Variants in SLC7A14 observed in about 807,000 individuals in gnomAD.
SLC7A14 encodes solute carrier family 7 member 14, also known as gamma-aminobutyric acid transporter SLC7A14.
Under a neutral mutation model 60.2 loss-of-function variants are expected in SLC7A14, and 37 were observed. The ratio of observed to expected loss-of-function variants is 0.61; its 90% CI spans 0.47 to 0.81. The LOEUF is 0.81. Ranked by LOEUF, SLC7A14 falls within the 30% of genes least tolerant of loss-of-function variation. The probability of loss-of-function intolerance (pLI) is 0.00; values close to 1 mark genes in which losing one functional copy is unlikely to be tolerated. For missense variants in SLC7A14, 886 were observed against 982.7 expected (o/e 0.90, Z 1.32); for synonymous variants, 399 against 395.8 (o/e 1.01, Z -0.10).
intron 1 of SLC7A14, among the ~76,000 whole-genome samples, chr3:170,569,572 T>C (rs1714886690): frequency 6.6e-6 from 1 of 152,210 alleles, no homozygotes; most frequent in African/African-American, 2.4e-5. Context: ...ATTGGAATGG[T>C]TTCAGAAGGA....
At chr3:170,530,973 C>T (rs892078534) in intron 1 of SLC7A14, among the ~76,000 whole-genome samples, 2 of 152,200 alleles carry the variant, frequency 1.3e-5, no homozygotes, top group African/African-American at 4.8e-5. Context: ...CATCTTGAGA[C>T]CCTTGGCAGT....
intron 2 of SLC7A14, among the ~76,000 whole-genome samples, chr3:170,522,879 A>G (rs1374330715): frequency 6.6e-6 from 1 of 152,246 alleles, no homozygotes; most frequent in Admixed American, 6.5e-5. Flanking sequence ...ACCCATAGCC[A>G]GGGTTGAGAG....
At chr3:170,528,376 A>G (rs1160272585) in intron 1 of SLC7A14, among the ~76,000 whole-genome samples, 1 of 152,240 alleles carries the variant, frequency 6.6e-6, no homozygotes, top group Admixed American at 6.5e-5. Flanking sequence ...AAAACTGTAT[A>G]AAATTTATAA....
At chr3:170,496,136 G>A (rs368674705) in intron 4 of SLC7A14, 1 of 963,056 alleles carries the variant, frequency 1.0e-6, no homozygotes, top group Non-Finnish European at 1.7e-6. Flanking sequence ...TCCAGGAGCT[G>A]CAGTCCCAGA....
intron 4 of SLC7A14, among the ~76,000 whole-genome samples, chr3:170,497,068 T>G (rs898858358): frequency 5.4e-5 from 7 of 128,478 alleles, no homozygotes; most frequent in African/African-American, 2.3e-4. Flanking sequence ...ACAAAACAAT[T>G]TAATTGCTTT....
Position 170,507,318 on chromosome 3 carries a change from A to G in SLC7A14, c.305-5973T>C, listed in dbSNP as rs17533822. On this transcript the variant is annotated intron_variant, in intron 2 of 7. Transcript: ENST00000231706. ...AAGACAGATTTCCTGACCTTGAAGC[A>G]TCTATATTTCAATCAGGAAAGAGTT... Among the ~76,000 whole-genome samples the G allele has an allele frequency of 6.8e-3, 1,034 of 152,336 alleles. 9 individuals carry two copies. Among genetic ancestry groups the G allele is most frequent in the Middle Eastern group, 0.031 (9 of 294 alleles).
intron 4 of SLC7A14, 78 bp from the exon 5 acceptor site, chr3:170,486,446 T>A (rs528987978): frequency 3.2e-5 from 51 of 1,581,058 alleles, no homozygotes; most frequent in Non-Finnish European, 4.2e-5. Context: ...GTGCAATTGC[T>A]CTATGCCCTG....
chr3:170,530,190 A>G (rs970296144), intron 1 of SLC7A14, among the ~76,000 whole-genome samples: 8 of 152,144 alleles, frequency 5.3e-5, no homozygotes, highest in African/African-American at 1.9e-4. Flanking sequence ...GGGGTGATAA[A>G]GGGGTGGGAA....
At chr3:170,468,507 G>A (rs1012719110) in intron 7 of SLC7A14, among the ~76,000 whole-genome samples, 1 of 152,090 alleles carries the variant, frequency 6.6e-6, no homozygotes, top group Non-Finnish European at 1.5e-5. Flanking sequence ...TGTTGCCCAG[G>A]CTGGTCTCAA....
intron 1 of SLC7A14, among the ~76,000 whole-genome samples, chr3:170,550,099 T>G (rs1306945001): frequency 1.3e-5 from 2 of 152,230 alleles, no homozygotes; most frequent in Non-Finnish European, 2.9e-5. Flanking sequence ...GGTCCTCAAT[T>G]CTATTAGCCT....
intron 1 of SLC7A14, among the ~76,000 whole-genome samples, chr3:170,581,934 A>G (rs561418801): frequency 6.6e-6 from 1 of 152,194 alleles, no homozygotes; most frequent in African/African-American, 2.4e-5. Flanking sequence ...AGATAAACAC[A>G]CACACATGTT....
rs1350293384 is a variant in SLC7A14, at chr3:170,466,006, C to G, written c.*1049G>C. ...AAGGTTCAGAAGTGAAATGTGATCT[C>G]ATGGAATGCAACTACCTAAGTCGCT... On this transcript the variant is annotated 3_prime_UTR_variant, in exon 8 of 8. Transcript: ENST00000231706. 1 of 152,180 alleles carries G rather than the reference C, an allele frequency of 6.6e-6. No homozygotes were observed. The highest frequency in any genetic ancestry group is 1.5e-5 in the Non-Finnish European group (1 of 68,030). 9.4% of individuals were successfully genotyped at this position (152,180 alleles called of 1,614,324 possible).
chr3:170,519,280 T>G (rs1001789743), intron 2 of SLC7A14, among the ~76,000 whole-genome samples: 1 of 152,066 alleles, frequency 6.6e-6, no homozygotes, highest in Non-Finnish European at 1.5e-5. Context: ...GGCTTCAGGG[T>G]TTTGCATGCC....
intron 1 of SLC7A14, among the ~76,000 whole-genome samples, chr3:170,550,875 T>A (rs1423774177): frequency 6.6e-6 from 1 of 152,158 alleles, no homozygotes; most frequent in Admixed American, 6.5e-5. Flanking sequence ...AGCACATATA[T>A]TTTTTAAAAG....
chr3:170,547,842 A>G (rs1386819039), intron 1 of SLC7A14, among the ~76,000 whole-genome samples: 1 of 152,218 alleles, frequency 6.6e-6, no homozygotes, highest in Non-Finnish European at 1.5e-5. Context: ...ATGTACAACG[A>G]TGGTTTAATT....
intron 1 of SLC7A14, among the ~76,000 whole-genome samples, chr3:170,581,048 A>G (rs1428561501): frequency 1.3e-5 from 2 of 152,222 alleles, no homozygotes; most frequent in Non-Finnish European, 2.9e-5. Flanking sequence ...AGCCAGATGC[A>G]TAAGGTTCTC....
intron 5 of SLC7A14, among the ~76,000 whole-genome samples, chr3:170,485,444 G>A (rs1711996631): frequency 6.6e-6 from 1 of 152,184 alleles, no homozygotes; most frequent in African/African-American, 2.4e-5. Context: ...GCGCCCCTCA[G>A]GACCTGAGAA....
At chr3:170,522,857 C>T (rs1245697236) in intron 2 of SLC7A14, among the ~76,000 whole-genome samples, 1 of 152,088 alleles carries the variant, frequency 6.6e-6, no homozygotes, top group East Asian at 1.9e-4. Context: ...AAAAAATTCC[C>T]AAGTGATTTA....
chr3:170,565,921 G>T (rs1292085947), intron 1 of SLC7A14, among the ~76,000 whole-genome samples: 1 of 152,178 alleles, frequency 6.6e-6, no homozygotes, highest in East Asian at 1.9e-4. Context: ...GCCCTTAGGA[G>T]CTTTGGCATT....
Sources: allele counts gnomAD v4.1 joint callset (sites outside exome capture counted in the v4.1 genomes callset), GRCh38; gene constraint gnomAD v4.1.1; transcripts MANE v1.5; gene names NCBI Gene and HGNC (gene_info 2026-07-23, HGNC 2026-07-21).